Variants in PRSS36 observed in about 807,000 individuals in gnomAD.
PRSS36 encodes polyserase-2.
Under a neutral mutation model 94.3 loss-of-function variants are expected in PRSS36, and 90 were observed. That is an observed-to-expected ratio of 0.95 (90% CI 0.80 to 1.14). The LOEUF (loss-of-function observed/expected upper bound fraction) is 1.14, where lower values mean the gene tolerates loss of function less well. Ranked by LOEUF, PRSS36 falls within the 50% of genes most tolerant of loss-of-function variation. PRSS36 has a pLI of 0.00. For missense variants in PRSS36, 1,158 were observed against 1,135.0 expected, an observed-to-expected ratio of 1.02 and a Z score of -0.29; for synonymous variants, 500 against 489.6, an observed-to-expected ratio of 1.02 and a Z score of -0.28.
chr16:31,141,186 T>G (rs1377848023), intron 12 of PRSS36, among the ~76,000 whole-genome samples: 1 of 152,098 alleles, frequency 6.6e-6, no homozygotes, highest in Non-Finnish European at 1.5e-5. Context: ...CCTCCCAAAG[T>G]GCTAGGATTA....
rs985796700 is a variant in PRSS36 at position 31,145,835 on chromosome 16, C to A, written c.674G>T (p.Gly225Val). 1 of 1,614,088 alleles carries A rather than the reference C, an allele frequency of 6.2e-7. No homozygotes were observed. Among genetic ancestry groups the A allele is most frequent in the Non-Finnish European group, 8.5e-7 (1 of 1,180,022 alleles). Reference sequence around the variant, plus strand: ...CTCTGGGTAGCCAGCACACAGCATCCCTGGCAATATCTGGAGAGTGAGGTT... The same window carrying A: ...CTCTGGGTAGCCAGCACACAGCATCACTGGCAATATCTGGAGAGTGAGGTT... ...PFNLTLQILP[G>V]MLCAGYPEGR... is the part of the protein sequence containing the mutation. The change falls in exon 6 of 15, where the codon GGG becomes GTG. Residue 225 changes from glycine (G) to valine (V), a missense_variant. Transcript: ENST00000268281.
At position 31,139,431 on chromosome 16, in the gene PRSS36, C is replaced by G. The variant is rs761746639; in HGVS notation, c.2290-15G>C. Reference sequence around the variant, plus strand: ...GCTGAGGTCATCTGCAGAGTTGGAGCGAGGCCACGTGGGTCTGCTGCCCTT... The same window carrying G: ...GCTGAGGTCATCTGCAGAGTTGGAGGGAGGCCACGTGGGTCTGCTGCCCTT... On this transcript the variant is annotated splice_polypyrimidine_tract_variant and intron_variant, in intron 14 of 14. Coordinates refer to ENST00000268281, the MANE Select transcript of PRSS36 (RefSeq NM_173502.5). 1.9e-6 allele frequency: 3 copies of G among 1,607,368 alleles called. No homozygotes were observed. Among genetic ancestry groups the G allele is most frequent in the African/African-American group, 1.3e-5 (1 of 74,772 alleles).
In PRSS36 at chr16:31,143,815, A is replaced by C. The variant is rs2057756814; in HGVS notation, c.743T>G (p.Val248Gly). The C allele has an allele frequency of 6.2e-7, 1 of 1,613,504 alleles. No homozygotes were observed. Among genetic ancestry groups the C allele is most frequent in the South Asian group, 1.1e-5 (1 of 91,088 alleles). ...GAACCAGCGGCCGCCTTCCTCACAG[A>C]CCAGGGGCCCCCCAGAGTCACCCTA... is the stretch of plus-strand genomic sequence containing the variant. ...TCQGDSGGPL[V>G]CEEGGRWFQA... The change falls in exon 7 of 15, where the codon GTC (valine) becomes GGC (glycine). Residue 248 changes from valine to glycine, a missense_variant. By Grantham distance (109) the Val-to-Gly change is moderately radical. Coordinates refer to ENST00000268281, the MANE Select transcript of PRSS36 (RefSeq NM_173502.5).
In PRSS36 at chr16:31,140,331, C is replaced by T; in HGVS notation, c.2252G>A (p.Cys751Tyr). The T allele has an allele frequency of 6.2e-7, 1 of 1,614,018 alleles. No homozygotes were observed. Among genetic ancestry groups the T allele is most frequent in the East Asian group, 2.2e-5 (1 of 44,880 alleles). ...CTCCTGCCCCTCTGCATACAGGACA[C>T]AGAGGGTTCCAGGGGGCAGGATGCC... Reference protein sequence around the residue: ...YQGILPPGTLCVLYAEGQENR... With the variant: ...YQGILPPGTLYVLYAEGQENR... The change falls in exon 14 of 15, where the codon TGT (cysteine) becomes TAT (tyrosine). Residue 751 changes from cysteine (C) to tyrosine (Y), a missense_variant. Coordinates refer to ENST00000268281, the MANE Select transcript of PRSS36 (RefSeq NM_173502.5).
rs2057868187 is a variant in PRSS36 at position 31,149,727 on chromosome 16, G to A, written c.42C>T (p.Ile14=). 3 of 1,614,080 alleles carry A rather than the reference G, an allele frequency of 1.9e-6. No homozygotes were observed. In the Admixed American group the frequency reaches 5.0e-5, roughly 27 times the overall value. ...HLLLPLVMLV[I]SPIPGAFQDS... ...CCTGGAAGGCTCCTGGGATGGGACTGATGACTGGAAAGACAGAGGTAGGCA... is the reference window on the plus strand; with the variant it reads ...CCTGGAAGGCTCCTGGGATGGGACTAATGACTGGAAAGACAGAGGTAGGCA... The change falls in exon 2 of 15, where the codon ATC becomes ATT. Residue 14 remains isoleucine (I), a synonymous_variant. Transcript: ENST00000268281.
chr16:31,148,384 GT>G lies in PRSS36; in HGVS notation c.553+10del. ...CCCCGAGGCCCTCCCCTCTTGTCCC[GT>G]CCCACTCACCTGCCTCCTGGACGTC... On this transcript the variant is annotated intron_variant, in intron 5 of 14. Transcript: ENST00000268281. 6.4e-7 allele frequency: 1 copy of G among 1,552,918 alleles called. No homozygotes were observed. Among genetic ancestry groups the G allele is most frequent in the Non-Finnish European group, 8.6e-7 (1 of 1,159,300 alleles).
chr16:31,149,023 CG>C, intron 4 of PRSS36, 49 bp downstream of exon 4: 1 of 1,479,886 alleles, frequency 6.8e-7, no homozygotes. Context: ...ACTGCGGGGG[CG>C]GGGGCCAGCT....
chr16:31,149,139 C>T lies in PRSS36; in HGVS notation c.206G>A (p.Gly69Asp). ...PWQVSLHHGG[G>D]HICGGSLIAP... ...GATGAGGGAGCCCCCGCAGATGTGG[C>T]CACCTCCATGGTGCAGGCTCACTTG... The change falls in exon 4 of 15, where the codon GGC (glycine) becomes GAC (aspartate). Residue 69 changes from glycine to aspartate, a missense_variant. By Grantham distance (94) the Gly-to-Asp change is moderately conservative. Transcript: ENST00000268281. 6.3e-7 allele frequency: 1 copy of T among 1,581,540 alleles called. No individual in the cohort carries two copies. The highest frequency in any genetic ancestry group is 8.6e-7 in the Non-Finnish European group (1 of 1,165,104).
intron 3 of PRSS36, 34 bp from the exon 4 acceptor site, chr16:31,149,269 C>T: frequency 6.5e-7 from 1 of 1,528,956 alleles, no homozygotes; most frequent in Non-Finnish European, 8.8e-7. Flanking sequence ...CAAAGCTCCC[C>T]TCGGGTTCCC....
chr16:31,148,805 A>G (rs1044673895), intron 4 of PRSS36, 130 bp from the exon 5 acceptor site: 2 of 1,279,956 alleles, frequency 1.6e-6, no homozygotes, highest in Non-Finnish European at 2.2e-6. Flanking sequence ...TACTCCTCAA[A>G]GGGGAAGAGC....
intron 4 of PRSS36, 109 bp downstream of exon 4, chr16:31,148,964 G>T: frequency 7.8e-7 from 1 of 1,275,900 alleles, no homozygotes; most frequent in Non-Finnish European, 1.1e-6. Flanking sequence ...GGGACAGCTT[G>T]GCTCCAAATT....
chr16:31,139,235 C>T lies in PRSS36; in HGVS notation c.2471G>A (p.Gly824Glu), dbSNP rs1180807741. 5 of 1,613,802 alleles carry T rather than the reference C, an allele frequency of 3.1e-6. No homozygotes were observed. In the African/African-American group the frequency reaches 6.7e-5, roughly 22 times the overall value. The change falls in exon 15 of 15, where the codon GGA becomes GAA. Residue 824 changes from glycine to glutamate, a missense_variant. Physicochemically the swap from Gly to Glu is moderately conservative, Grantham distance 98. Transcript: ENST00000268281. ...PPSGSPHWPT[G>E]GSNLCPPELA... The stretch of plus-strand genomic sequence containing the variant: ...TTCTGGGGGGCAGAGATTGCTGCCT[C>T]CAGTGGGCCAGTGTGGGGAGCCACT...
intron 14 of PRSS36, among the ~76,000 whole-genome samples, chr16:31,139,879 C>CAAAAAA (rs71151448): frequency 2.4e-4 from 10 of 42,504 alleles, no homozygotes; most frequent in Non-Finnish European, 3.1e-4. Context: ...GACTCAGTCT[C>CAAAAAA]AAAAAAAAAA....
chr16:31,149,928 A>G, intron 1 of PRSS36, 71 bp downstream of exon 1: 1 of 1,581,524 alleles, frequency 6.3e-7, no homozygotes, highest in African/African-American at 1.3e-5. Context: ...AGAAACCAGG[A>G]ATCCTGCTCT....
Position 31,143,791 on chromosome 16 carries a change from A to T in PRSS36, c.767T>A (p.Phe256Tyr). ...GCCAAAGCTGGTGATTCCTGCCTGG[A>T]ACCAGCGGCCGCCTTCCTCACAGAC... ...PLVCEEGGRW[F>Y]QAGITSFGFG... The change falls in exon 7 of 15, where the codon TTC (phenylalanine) becomes TAC (tyrosine). Residue 256 changes from phenylalanine (F) to tyrosine (Y), a missense_variant. Transcript: ENST00000268281. 1 of 1,613,986 alleles carries T rather than the reference A, an allele frequency of 6.2e-7. No homozygotes were observed. The highest frequency in any genetic ancestry group is 8.5e-7 in the Non-Finnish European group (1 of 1,180,012).
chr16:31,140,533 G>GCCCCCGGGGGGATA lies in PRSS36; in HGVS notation c.2112_2125dup (p.Ala709ValfsTer29), dbSNP rs1567443553. ...TTTCCAGCCCAACACCCAGCAGCTG[G>GCCCCCGGGGGGATA]CCCCCGGGGGGATACCCGCCGGGTG... is the stretch of plus-strand genomic sequence containing the variant. On this transcript the variant is annotated frameshift_variant, in exon 13 of 15. Transcript: ENST00000268281. LOFTEE classifies it high-confidence loss of function. 29 of 1,577,056 alleles carry GCCCCCGGGGGGATA rather than the reference G, an allele frequency of 1.8e-5. No individual in the cohort carries two copies. The highest frequency in any genetic ancestry group is 2.4e-5 in the Non-Finnish European group (28 of 1,160,962).
In PRSS36 at chr16:31,139,027, A is replaced by C; in HGVS notation, c.*111T>G. 2 of 1,296,374 alleles carry C rather than the reference A, an allele frequency of 1.5e-6. No homozygotes were observed. Among genetic ancestry groups the C allele is most frequent in the East Asian group, 2.4e-5 (1 of 41,736 alleles). The allele number at this position is 1,296,374 out of a possible 1,614,324, so 80.3% of individuals were successfully genotyped here. A position where few individuals can be genotyped will look rare whatever the true frequency, so the allele number is the denominator to read the frequency against. ...GGCCCAATTAGCCAGAGCCGCTGCA[A>C]TCTCGGTGGGTGGGGCCCTTGAGGT... On this transcript the variant is annotated 3_prime_UTR_variant, in exon 15 of 15. Coordinates refer to ENST00000268281, the MANE Select transcript of PRSS36 (RefSeq NM_173502.5).
At chr16:31,142,050 C>T in intron 10 of PRSS36, 90 bp from the exon 11 acceptor site, 1 of 1,171,418 alleles carries the variant, frequency 8.5e-7, no homozygotes, top group Non-Finnish European at 1.2e-6. Flanking sequence ...CCAGATTTTC[C>T]CATTTGCGGA....
At position 31,148,428 on chromosome 16, in the gene PRSS36, A is replaced by G; in HGVS notation, c.520T>C (p.Trp174Arg). The G allele has an allele frequency of 6.4e-7, 1 of 1,573,082 alleles. No individual in the cohort carries two copies. Among genetic ancestry groups the G allele is most frequent in the Non-Finnish European group, 8.6e-7 (1 of 1,167,806 alleles). ...SHRFVHGTAC[W>R]ATGWGDVQEA... ...TGGACGTCTCCCCAGCCGGTGGCCC[A>G]GCAGGCGGTGCCGTGCACGAAGCGG... is the stretch of plus-strand genomic sequence containing the variant. Residue 174 changes from tryptophan (W) to arginine (R), a missense_variant, in exon 5 of 15, where the codon TGG (tryptophan) becomes CGG (arginine). Coordinates refer to ENST00000268281, the MANE Select transcript of PRSS36 (RefSeq NM_173502.5).
Sources: allele counts gnomAD v4.1 joint callset (sites outside exome capture counted in the v4.1 genomes callset), GRCh38; gene constraint gnomAD v4.1.1; transcripts MANE v1.5; gene names NCBI Gene and HGNC (gene_info 2026-07-23, HGNC 2026-07-21).